The following CPQ variants were observed in gnomAD, a reference collection of about 807,000 sequenced individuals.
The protein encoded by CPQ is carboxypeptidase Q.
Under a neutral mutation model 45.7 loss-of-function variants are expected in CPQ, and 37 were observed. The ratio of observed to expected loss-of-function variants is 0.81; its 90% CI spans 0.62 to 1.07. CPQ has a LOEUF of 1.07. Among genes scored for constraint, CPQ ranks in the 50% least tolerant of loss-of-function variants. CPQ has a pLI of 0.00. For missense variants in CPQ, 537 were observed against 572.9 expected, an observed-to-expected ratio of 0.94 and a Z score of 0.64; for synonymous variants, 186 against 205.8, an observed-to-expected ratio of 0.90 and a Z score of 0.82.
At chr8:96,698,355 G>A (rs561105300) in intron 1 of CPQ, among the ~76,000 whole-genome samples, 1 of 152,022 alleles carries the variant, frequency 6.6e-6, no homozygotes, top group Non-Finnish European at 1.5e-5. Context: ...AATCAAAATG[G>A]ATTAAAGACT....
intron 1 of CPQ, among the ~76,000 whole-genome samples, chr8:96,768,416 T>C (rs1343981777): frequency 3.3e-5 from 5 of 152,130 alleles, no homozygotes; most frequent in South Asian, 2.1e-4. Context: ...AAGCAACAGA[T>C]GCTCTGTGTT....
intron 1 of CPQ, among the ~76,000 whole-genome samples, chr8:96,673,709 C>G (rs539134781): frequency 1.1e-4 from 17 of 152,214 alleles, no homozygotes; most frequent in Admixed American, 8.5e-4. Flanking sequence ...TGTGGGACAT[C>G]CATAAGACTT....
chr8:96,699,428 A>T (rs1047456290), intron 1 of CPQ, among the ~76,000 whole-genome samples: 1 of 152,142 alleles, frequency 6.6e-6, no homozygotes, highest in African/African-American at 2.4e-5. Flanking sequence ...TGATCGTACA[A>T]CAGGGTGACT....
chr8:96,749,627 G>C (rs1810233294), intron 1 of CPQ, among the ~76,000 whole-genome samples: 1 of 152,116 alleles, frequency 6.6e-6, no homozygotes, highest in Non-Finnish European at 1.5e-5. Context: ...ATGGGAAAAA[G>C]GCTTAGTTCA....
intron 7 of CPQ, among the ~76,000 whole-genome samples, chr8:97,101,551 C>T (rs1314504935): frequency 2.0e-5 from 3 of 146,560 alleles, no homozygotes; most frequent in Admixed American, 1.4e-4. Flanking sequence ...TTCTTTCCAA[C>T]TGAGTCTTTT....
At chr8:96,944,561 T>C (rs915631394) in intron 4 of CPQ, among the ~76,000 whole-genome samples, 1 of 152,104 alleles carries the variant, frequency 6.6e-6, no homozygotes, top group Admixed American at 6.6e-5. Context: ...GGTGTGGAGT[T>C]TTTCATATGT....
chr8:96,779,760 G>T (rs1369078121), intron 1 of CPQ, among the ~76,000 whole-genome samples: 2 of 151,754 alleles, frequency 1.3e-5, no homozygotes, highest in African/African-American at 4.8e-5. Flanking sequence ...CCTTTTTTTT[G>T]CACCAACAAC....
intron 4 of CPQ, among the ~76,000 whole-genome samples, chr8:96,964,568 C>G (rs991241160): frequency 3.3e-5 from 5 of 150,602 alleles, no homozygotes; most frequent in Non-Finnish European, 7.4e-5. Flanking sequence ...CGTGGGTTAC[C>G]TTTTCACTCT....
In CPQ at chr8:96,670,893, G is replaced by T. The variant is rs865867087; in HGVS notation, c.-35+25491G>T. Among the ~76,000 whole-genome samples the T allele has an allele frequency of 3.6e-4, 54 of 152,076 alleles. 1 individual carries two copies. Among genetic ancestry groups the T allele is most frequent in the South Asian group, 1.9e-3 (9 of 4,822 alleles). ...AGTTTGGGTGGGGGTGGGAGTAGAGGGATGCGTGGGTGTAGCTGTAAAAGA... is the reference window on the plus strand; with the variant it reads ...AGTTTGGGTGGGGGTGGGAGTAGAGTGATGCGTGGGTGTAGCTGTAAAAGA... On this transcript the variant is annotated intron_variant, in intron 1 of 7. Transcript: ENST00000220763.
At chr8:96,978,620 C>T (rs182011128) in intron 5 of CPQ, among the ~76,000 whole-genome samples, 420 of 152,268 alleles carry the variant, frequency 2.8e-3, no homozygotes, top group Non-Finnish European at 5.3e-3. Flanking sequence ...CTACAGCATG[C>T]TTAGCTTCCT....
chr8:96,895,629 T>C (rs982448307), intron 4 of CPQ, among the ~76,000 whole-genome samples: 1 of 152,156 alleles, frequency 6.6e-6, no homozygotes, highest in Non-Finnish European at 1.5e-5. Context: ...TGATAATCAG[T>C]AGGAAGCTTA....
intron 2 of CPQ, among the ~76,000 whole-genome samples, chr8:96,826,866 G>A (rs748890107): frequency 3.3e-5 from 5 of 151,982 alleles, no homozygotes; most frequent in East Asian, 1.9e-4. Flanking sequence ...ACTTATAAGC[G>A]AGAACATGCA....
At chr8:96,678,839 C>T (rs930608062) in intron 1 of CPQ, among the ~76,000 whole-genome samples, 5 of 145,468 alleles carry the variant, frequency 3.4e-5, no homozygotes, top group South Asian at 2.2e-4. Flanking sequence ...ATAAATAGTC[C>T]GCAAATATTT....
At chr8:97,091,033 C>A (rs560747139) in intron 7 of CPQ, among the ~76,000 whole-genome samples, 2 of 152,028 alleles carry the variant, frequency 1.3e-5, no homozygotes, top group Non-Finnish European at 1.5e-5. Context: ...TCATGGGGAC[C>A]CACGATGCAT....
In CPQ at chr8:97,066,207, C is replaced by G; in HGVS notation, c.1252C>G (p.Pro418Ala). ...DINFWIQAGV[P>A]GASLLDDLYK... ...CAACTTTTGGATCCAAGCTGGAGTG[C>G]CTGGTAAGACCAAAAGATGAAGTTG... Residue 418 changes from proline (P) to alanine (A), a missense_variant, in exon 7 of 8, where the codon CCT becomes GCT. By Grantham distance (27) the Pro-to-Ala change is conservative. Transcript: ENST00000220763. 6.2e-7 allele frequency: 1 copy of G among 1,607,058 alleles called. No individual in the cohort carries two copies. The highest frequency in any genetic ancestry group is 1.1e-5 in the South Asian group (1 of 89,492).
intron 2 of CPQ, among the ~76,000 whole-genome samples, chr8:96,798,220 C>A (rs1276492862): frequency 6.6e-6 from 1 of 151,824 alleles, no homozygotes; most frequent in Non-Finnish European, 1.5e-5. Context: ...GCCTGAGCCT[C>A]CCAGGCTCAA....
At position 96,686,385 on chromosome 8, in the gene CPQ, T is replaced by C. The variant is rs1586358815; in HGVS notation, c.-35+40983T>C. Among the ~76,000 whole-genome samples the C allele has an allele frequency of 1.3e-5, 2 of 152,192 alleles. 1 individual carries two copies. ...AGGAAACCCTTTTTTCTTGGTATAGTACATGATAAGGATTTTTGTCAAAAA... is the reference window on the plus strand; with the variant it reads ...AGGAAACCCTTTTTTCTTGGTATAGCACATGATAAGGATTTTTGTCAAAAA... On this transcript the variant is annotated intron_variant, in intron 1 of 7. Coordinates refer to ENST00000220763, the MANE Select transcript of CPQ (RefSeq NM_016134.4).
intron 1 of CPQ, among the ~76,000 whole-genome samples, chr8:96,698,096 A>G (rs1342756508): frequency 6.6e-6 from 1 of 152,178 alleles, no homozygotes. Context: ...ATCTGACTTC[A>G]AATTATACTA....
intron 3 of CPQ, among the ~76,000 whole-genome samples, chr8:96,864,879 G>C (rs1194241489): frequency 6.6e-6 from 1 of 151,906 alleles, no homozygotes; most frequent in East Asian, 1.9e-4. Context: ...ATTTATTGTA[G>C]GTATTGATTC....
Sources: allele counts gnomAD v4.1 joint callset (sites outside exome capture counted in the v4.1 genomes callset), GRCh38; gene constraint gnomAD v4.1.1; transcripts MANE v1.5; gene names NCBI Gene and HGNC (gene_info 2026-07-23, HGNC 2026-07-21).